FAM118B: variants seen among roughly 807,000 people sequenced by gnomAD.
The protein encoded by FAM118B is protein FAM118B.
A neutral mutation model predicts 38.5 loss-of-function variants in FAM118B; 24 were observed. The ratio of observed to expected loss-of-function variants is 0.62; its 90% confidence interval spans 0.45 to 0.88. The LOEUF (loss-of-function observed/expected upper bound fraction) is 0.88. FAM118B is among the 40% of genes least tolerant of loss of function. The pLI is 0.00. For synonymous variants in FAM118B, 138 were observed against 156.3 expected, an observed-to-expected ratio of 0.88 and a Z score of 0.87; for missense variants, 334 against 420.0, an observed-to-expected ratio of 0.80 and a Z score of 1.79.
chr11:126,261,279 CCTT>C (rs1950692060), intron 7 of FAM118B, 143 bp from the exon 8 acceptor site: 1 of 645,138 alleles, frequency 1.6e-6, no homozygotes, highest in South Asian at 1.9e-5. Flanking sequence ...CTCTCTGCCT[CCTT>C]ATCTTCTCAA....
intron 3 of FAM118B, among the ~76,000 whole-genome samples, chr11:126,239,085 G>T (rs139144229): frequency 6.7e-6 from 1 of 149,106 alleles, no homozygotes; most frequent in Non-Finnish European, 1.5e-5. Flanking sequence ...TGATCCTCCC[G>T]TGAACTTAGC....
chr11:126,214,503 G>GTTTTTTTTTGT (rs1949948200), intron 1 of FAM118B: 1 of 28,258 alleles, frequency 3.5e-5, no homozygotes, highest in Non-Finnish European at 7.5e-5. Flanking sequence ...TTTTTTTTTT[G>GTTTTTTTTTGT]TTTTTTTTTT....
At chr11:126,235,121 AC>A (rs1565330779) in intron 3 of FAM118B, 34 bp downstream of exon 3, 1 of 1,586,628 alleles carries the variant, frequency 6.3e-7, no homozygotes, top group Admixed American at 1.7e-5. Context: ...AGAGTAAATT[AC>A]CATTAGTGGG....
intron 2 of FAM118B, among the ~76,000 whole-genome samples, chr11:126,234,363 A>T (rs1331002239): frequency 1.3e-5 from 2 of 152,184 alleles, no homozygotes; most frequent in African/African-American, 4.8e-5. Context: ...CAGCACCCGA[A>T]CATAATTGGC....
intron 1 of FAM118B, among the ~76,000 whole-genome samples, chr11:126,224,262 C>T (rs1245738163): frequency 6.6e-6 from 1 of 151,896 alleles, no homozygotes; most frequent in Non-Finnish European, 1.5e-5. Flanking sequence ...TGCTTGAGTC[C>T]AGGTGTTTGA....
At chr11:126,247,866 A>ATAT (rs1184417907) in intron 4 of FAM118B, among the ~76,000 whole-genome samples, 2 of 144,946 alleles carry the variant, frequency 1.4e-5, no homozygotes, top group African/African-American at 5.0e-5. Context: ...TCAAAAAAAA[A>ATAT]ATATATATAT....
In FAM118B at chr11:126,218,089, C is replaced by T. The variant is rs531497619; in HGVS notation, c.-77+6259C>T. Among the ~76,000 whole-genome samples, 151 of 152,280 alleles carry T rather than the reference C, an allele frequency of 9.9e-4. 1 individual carries two copies. In the Middle Eastern group the frequency reaches 0.017, roughly 17 times the overall value. ...TCTGGAAATTCACGTCCTCTAGTTCCGGGATGTTTTCTTGTACTATTTCTG... is the reference window on the plus strand; with the variant it reads ...TCTGGAAATTCACGTCCTCTAGTTCTGGGATGTTTTCTTGTACTATTTCTG... On this transcript the variant is annotated intron_variant, in intron 1 of 8. Transcript: ENST00000533050.
In FAM118B at chr11:126,253,695, C is replaced by T. The variant is rs140946806; in HGVS notation, c.568-610C>T. Among the ~76,000 whole-genome samples the T allele has an allele frequency of 6.6e-5, 10 of 152,314 alleles. No individual in the cohort carries two copies. The East Asian group carries it at 1.7e-3, about 26-fold the overall frequency. On this transcript the variant is annotated intron_variant, in intron 5 of 8. Coordinates refer to ENST00000533050, the MANE Select transcript of FAM118B (RefSeq NM_024556.4). This position sits in a 1 kb window ranked among gnomAD's most constrained non-coding sequence, Gnocchi z 5.1. Reference sequence around the variant, plus strand: ...TCACATACCTGCAGACATCTGATGGCCGCACCAGGGCTGAGTGATATAAGG... The same window carrying T: ...TCACATACCTGCAGACATCTGATGGTCGCACCAGGGCTGAGTGATATAAGG...
chr11:126,222,080 C>A (rs976508776), intron 1 of FAM118B, among the ~76,000 whole-genome samples: 2 of 152,152 alleles, frequency 1.3e-5, no homozygotes, highest in African/African-American at 2.4e-5. Flanking sequence ...TGTGTCTTAA[C>A]AACATGAACA....
At chr11:126,261,380 T>C in intron 7 of FAM118B, 45 bp from the exon 8 acceptor site, 7 of 1,554,654 alleles carry the variant, frequency 4.5e-6, no homozygotes, top group Non-Finnish European at 6.2e-6. Context: ...TATTAATAGT[T>C]TTAGCTTTTC....
chr11:126,232,124 A>G (rs537824573), intron 2 of FAM118B, among the ~76,000 whole-genome samples: 94 of 152,328 alleles, frequency 6.2e-4, no homozygotes, highest in African/African-American at 2.2e-3. Context: ...TTGTGAGCAG[A>G]AAGAAGTGTT....
At chr11:126,234,545 A>G (rs995685399) in intron 2 of FAM118B, among the ~76,000 whole-genome samples, 16 of 152,142 alleles carry the variant, frequency 1.1e-4, no homozygotes, top group African/African-American at 7.2e-5. Context: ...TCTGTTCTTG[A>G]CTCAGTAATT....
chr11:126,233,142 T>G (rs900363252), intron 2 of FAM118B, among the ~76,000 whole-genome samples: 2 of 152,208 alleles, frequency 1.3e-5, no homozygotes, highest in African/African-American at 4.8e-5. Flanking sequence ...CTTTTTTAAT[T>G]TAATGAATTA....
intron 1 of FAM118B, among the ~76,000 whole-genome samples, chr11:126,222,398 A>G (rs937690641): frequency 3.3e-5 from 5 of 152,254 alleles, no homozygotes; most frequent in African/African-American, 9.6e-5. Flanking sequence ...GCATTTTAAA[A>G]TTCTACAAGC....
At chr11:126,238,481 C>G (rs1017969623) in intron 3 of FAM118B, among the ~76,000 whole-genome samples, 2 of 152,166 alleles carry the variant, frequency 1.3e-5, no homozygotes, top group African/African-American at 4.8e-5. Flanking sequence ...TCCTCATTTC[C>G]TAACTGGATG....
chr11:126,259,781 C>T (rs534664874), intron 7 of FAM118B, among the ~76,000 whole-genome samples: 95 of 151,006 alleles, frequency 6.3e-4, no homozygotes, highest in African/African-American at 2.2e-3. Flanking sequence ...AGTGCAGTGG[C>T]GCAATCTCAG....
Position 126,256,118 on chromosome 11 carries a change from A to G in FAM118B, c.697-449A>G, listed in dbSNP as rs1204012285. 3.9e-5 allele frequency among the ~76,000 whole-genome samples: 6 copies of G among 152,236 alleles called. No homozygotes were observed. The highest frequency in any genetic ancestry group is 1.4e-4 in the African/African-American group (6 of 41,544). On this transcript the variant is annotated intron_variant, in intron 6 of 8. Transcript: ENST00000533050. This position sits in a 1 kb window ranked among gnomAD's most constrained non-coding sequence, Gnocchi z 6.6. ...AAACCCCGTCTCTACTAAACATTCA[A>G]AAATTAGCTGGGTGTGGTGGTGCAC...
At chr11:126,243,352 G>A (rs116385758) in intron 4 of FAM118B, among the ~76,000 whole-genome samples, 98 of 151,716 alleles carry the variant, frequency 6.5e-4, no homozygotes, top group African/African-American at 2.3e-3. Flanking sequence ...TAAGCCCAAC[G>A]CTTTGGAAGG....
At chr11:126,248,485 C>T (rs552938030) in intron 4 of FAM118B, among the ~76,000 whole-genome samples, 1 of 149,576 alleles carries the variant, frequency 6.7e-6, no homozygotes, top group Admixed American at 6.8e-5. Context: ...ATTCTCCTGC[C>T]TCAGCCTCCC....
Sources: allele counts gnomAD v4.1 joint callset (sites outside exome capture counted in the v4.1 genomes callset), GRCh38; gene constraint gnomAD v4.1.1; non-coding constraint Gnocchi (gnomAD v3.1); transcripts MANE v1.5; gene names NCBI Gene and HGNC (gene_info 2026-07-23, HGNC 2026-07-21).